The following TMEM272 variants were observed in gnomAD, a reference collection of about 807,000 sequenced individuals.
The protein encoded by TMEM272 is long intergenic non-protein coding RNA 282.
A neutral mutation model predicts 3.7 loss-of-function variants in TMEM272; 8 were observed. That is an observed-to-expected ratio of 2.17 (90% CI 1.27 to 3.91). TMEM272 has a LOEUF of 3.91. Among genes scored for constraint, TMEM272 ranks in the 30% most tolerant of loss-of-function variants. The pLI is 0.00. For synonymous variants in TMEM272, 63 were observed against 39.8 expected (o/e 1.58, Z -2.20); for missense variants, 166 against 91.5 (o/e 1.81, Z -3.32).
chr13:51,902,844 T>C, the TMEM272 span, among the ~76,000 whole-genome samples: 1 of 152,266 alleles, frequency 6.6e-6, no homozygotes, highest in Admixed American at 6.5e-5. Flanking sequence ...GAGAAACAGA[T>C]AACTAACACA....
At chr13:51,823,357 C>A (rs1017004203) in intron 3 of TMEM272, among the ~76,000 whole-genome samples, 2 of 152,272 alleles carry the variant, frequency 1.3e-5, no homozygotes, top group African/African-American at 4.8e-5. Context: ...GGATTACAGG[C>A]CTGAGCCACT....
intron 4 of TMEM272, among the ~76,000 whole-genome samples, chr13:51,818,845 G>T (rs536581555): frequency 6.6e-6 from 1 of 152,114 alleles, no homozygotes; most frequent in Non-Finnish European, 1.5e-5. Flanking sequence ...GCCTGGGGCC[G>T]CGTATTATCT....
At chr13:51,867,739 A>G in the TMEM272 span, among the ~76,000 whole-genome samples, 1 of 152,110 alleles carries the variant, frequency 6.6e-6, no homozygotes, top group Admixed American at 6.5e-5. Context: ...TCACACACCC[A>G]TCCTCAGCTC....
At chr13:51,885,823 T>C in the TMEM272 span, among the ~76,000 whole-genome samples, 1 of 152,296 alleles carries the variant, frequency 6.6e-6, no homozygotes, top group East Asian at 1.9e-4. Context: ...CATGACCACA[T>C]TACCAAACCA....
the TMEM272 span, among the ~76,000 whole-genome samples, chr13:51,926,121 G>A: frequency 2.0e-5 from 3 of 150,886 alleles, no homozygotes; most frequent in Non-Finnish European, 4.4e-5. Flanking sequence ...TGTGTGTGGT[G>A]TATGTGTCTA....
the TMEM272 span, among the ~76,000 whole-genome samples, chr13:51,927,094 C>G: frequency 3.3e-5 from 5 of 151,912 alleles, no homozygotes; most frequent in Admixed American, 3.3e-4. Context: ...TTTGAGGTTC[C>G]CAGAAGTAAT....
chr13:51,822,096 G>A lies in TMEM272; in HGVS notation c.160C>T (p.Pro54Ser), dbSNP rs1032598467. 9 of 702,312 alleles carry A rather than the reference G, an allele frequency of 1.3e-5. No individual in the cohort carries two copies. Among genetic ancestry groups the A allele is most frequent in the Admixed American group, 1.2e-4 (6 of 49,966 alleles). 43.5% of individuals were successfully genotyped at this position (702,312 alleles called of 1,614,324 possible). The part of the protein sequence containing the change: ...LEDCPIQPLI[P>S]LYLLVGGIVG... Reference sequence around the variant, plus strand: ...ATGCCACCCACTAGCAAATATAAAGGAATGAGGGGCTGTATAGGGCAGTCC... The same window carrying A: ...ATGCCACCCACTAGCAAATATAAAGAAATGAGGGGCTGTATAGGGCAGTCC... The change falls in exon 4 of 5, where the codon CCT becomes TCT. Residue 54 changes from proline (P) to serine (S), a missense_variant. Transcript: ENST00000629372.
At chr13:51,871,339 C>T in the TMEM272 span, among the ~76,000 whole-genome samples, 11 of 152,078 alleles carry the variant, frequency 7.2e-5, no homozygotes, top group East Asian at 1.2e-3. Flanking sequence ...TACAGGTGCC[C>T]GCCACCACAC....
At chr13:51,873,171 G>A in the TMEM272 span, among the ~76,000 whole-genome samples, 1 of 152,344 alleles carries the variant, frequency 6.6e-6, no homozygotes, top group East Asian at 1.9e-4. Flanking sequence ...CATTGCTGGA[G>A]GAGAGTTTGA....
At chr13:51,877,506 G>A in the TMEM272 span, among the ~76,000 whole-genome samples, 3,578 of 152,232 alleles carry the variant, frequency 0.024, 115 homozygotes, top group African/African-American at 0.081. Flanking sequence ...TTTAAAATTT[G>A]CTTCATTATA....
chr13:51,825,049 C>G (rs1036048223), intron 3 of TMEM272, among the ~76,000 whole-genome samples: 2 of 152,158 alleles, frequency 1.3e-5, no homozygotes, highest in Non-Finnish European at 2.9e-5. Flanking sequence ...TGGAGAGTAC[C>G]CCCGACTTCA....
the TMEM272 span, among the ~76,000 whole-genome samples, chr13:51,931,760 G>A: frequency 4.0e-3 from 603 of 152,210 alleles, 3 homozygotes; most frequent in African/African-American, 0.014. Context: ...CCAGGCATCC[G>A]GAAAAACAGT....
chr13:51,928,353 G>C, the TMEM272 span, among the ~76,000 whole-genome samples: 1 of 152,194 alleles, frequency 6.6e-6, no homozygotes, highest in African/African-American at 2.4e-5. Context: ...AGCATTTCTT[G>C]AGCACTCCGG....
At chr13:51,906,110 G>C in the TMEM272 span, among the ~76,000 whole-genome samples, 2 of 152,208 alleles carry the variant, frequency 1.3e-5, no homozygotes, top group African/African-American at 4.8e-5. Flanking sequence ...TGGTGGACCA[G>C]GCTGGGGTCC....
chr13:51,851,352 A>T, the TMEM272 span, among the ~76,000 whole-genome samples: 1 of 149,190 alleles, frequency 6.7e-6, no homozygotes, highest in Non-Finnish European at 1.5e-5. Flanking sequence ...CCAAAAAAAA[A>T]GAAGAGGAAG....
chr13:51,891,698 G>C, the TMEM272 span, among the ~76,000 whole-genome samples: 2 of 152,166 alleles, frequency 1.3e-5, no homozygotes, highest in Non-Finnish European at 2.9e-5. Flanking sequence ...TTGCAGGAGA[G>C]GGACAACTAC....
chr13:51,910,854 G>A, the TMEM272 span, among the ~76,000 whole-genome samples: 7 of 152,170 alleles, frequency 4.6e-5, no homozygotes, highest in East Asian at 3.8e-4. Flanking sequence ...CTGAGGCAGC[G>A]CTAAAACCTG....
At chr13:51,908,403 G>A in the TMEM272 span, 3 of 1,482,658 alleles carry the variant, frequency 2.0e-6, no homozygotes, top group Non-Finnish European at 1.9e-6. Flanking sequence ...AGCACGTGGT[G>A]GACCTGGGAC....
intron 2 of TMEM272, 86 bp downstream of exon 2, chr13:51,838,387 A>C: frequency 1.4e-6 from 1 of 702,274 alleles, no homozygotes; most frequent in East Asian, 2.7e-5. Context: ...GCCCACTCAT[A>C]TGATCCACTC....
Sources: allele counts gnomAD v4.1 joint callset (sites outside exome capture counted in the v4.1 genomes callset), GRCh38; gene constraint gnomAD v4.1.1; transcripts MANE v1.5; gene names NCBI Gene and HGNC (gene_info 2026-07-23, HGNC 2026-07-21).